TMCO5A: variants seen among roughly 807,000 people sequenced by gnomAD.
TMCO5A encodes the protein transmembrane and coiled-coil domain-containing protein 5A.
In TMCO5A, 34 loss-of-function variants were observed where a neutral mutation model predicts 42.3. That is an observed-to-expected ratio of 0.80 (90% CI 0.61 to 1.07). The LOEUF is 1.07. Ranked by LOEUF, TMCO5A falls within the 50% of genes least tolerant of loss-of-function variation. The pLI is 0.00. For synonymous variants in TMCO5A, 131 were observed against 115.6 expected (o/e 1.13, Z -0.86); for missense variants, 357 against 327.9 (o/e 1.09, Z -0.69).
chr15:38,039,593 G>A, the TMCO5A span, among the ~76,000 whole-genome samples: 4 of 152,142 alleles, frequency 2.6e-5, no homozygotes, highest in African/African-American at 9.7e-5. Flanking sequence ...TCTCATTCTA[G>A]AGTATACCCC....
At chr15:37,957,925 G>T (rs982528519) in intron 11 of TMCO5A, among the ~76,000 whole-genome samples, 9 of 152,262 alleles carry the variant, frequency 5.9e-5, no homozygotes, top group African/African-American at 1.7e-4. Flanking sequence ...AGAGGCCTCA[G>T]AAATAATGCC....
At chr15:38,007,163 T>C in the TMCO5A span, among the ~76,000 whole-genome samples, 3 of 152,228 alleles carry the variant, frequency 2.0e-5, no homozygotes, top group African/African-American at 7.2e-5. Context: ...CCATGAACCA[T>C]AGTTTACTGA....
downstream of TMCO5A, among the ~76,000 whole-genome samples, chr15:37,971,126 C>A (rs149782906): frequency 2.3e-4 from 35 of 152,192 alleles, no homozygotes; most frequent in African/African-American, 8.2e-4. Flanking sequence ...ATGAGGACCC[C>A]GCCCCTGTAG....
chr15:38,010,383 CAAAAAAAAAA>C, the TMCO5A span, among the ~76,000 whole-genome samples: 11 of 40,326 alleles, frequency 2.7e-4, no homozygotes, highest in Non-Finnish European at 3.5e-4. Context: ...ACTCCGTCTC[CAAAAAAAAAA>C]AAAAAAAAAA....
the TMCO5A span, chr15:38,020,251 AT>A: frequency 1.3e-5 from 2 of 152,108 alleles, no homozygotes; most frequent in African/African-American, 4.8e-5. Flanking sequence ...TAAATAATAA[AT>A]TGTTCTCGTC....
At chr15:37,974,910 G>A in the TMCO5A span, among the ~76,000 whole-genome samples, 2 of 152,224 alleles carry the variant, frequency 1.3e-5, no homozygotes, top group South Asian at 4.1e-4. Context: ...CACTGCTATA[G>A]CTGTGTCCTA....
At chr15:38,010,383 C>CAAAA in the TMCO5A span, among the ~76,000 whole-genome samples, 7,478 of 40,144 alleles carry the variant, frequency 0.19, 1,105 homozygotes, top group Admixed American at 0.21. Context: ...ACTCCGTCTC[C>CAAAA]AAAAAAAAAA....
At chr15:37,969,847 G>T (rs1256157906), downstream of TMCO5A, among the ~76,000 whole-genome samples, 1 of 152,156 alleles carries the variant, frequency 6.6e-6, no homozygotes, top group Non-Finnish European at 1.5e-5. Flanking sequence ...TCATGTTGCT[G>T]CAAAGGACAT....
chr15:37,985,143 C>G, the TMCO5A span, among the ~76,000 whole-genome samples: 1 of 151,752 alleles, frequency 6.6e-6, no homozygotes, highest in East Asian at 1.9e-4. Context: ...CTTCTGACAT[C>G]TAGATTATAG....
At chr15:37,962,719 C>A (rs1890460277) in intron 11 of TMCO5A, among the ~76,000 whole-genome samples, 1 of 152,054 alleles carries the variant, frequency 6.6e-6, no homozygotes, top group Non-Finnish European at 1.5e-5. Context: ...TATCTCACTG[C>A]TTGTTATTGG....
At chr15:37,964,103 T>C (rs1023160554) in intron 11 of TMCO5A, among the ~76,000 whole-genome samples, 2 of 152,192 alleles carry the variant, frequency 1.3e-5, no homozygotes, top group African/African-American at 4.8e-5. Context: ...GAGTTGGTTT[T>C]CTGGTTCCTT....
chr15:38,032,553 G>A, the TMCO5A span, among the ~76,000 whole-genome samples: 1 of 152,118 alleles, frequency 6.6e-6, no homozygotes, highest in Non-Finnish European at 1.5e-5. Flanking sequence ...ACATGCAGTT[G>A]GTCATTTATA....
chr15:37,975,028 AT>A, the TMCO5A span, among the ~76,000 whole-genome samples: 1 of 152,058 alleles, frequency 6.6e-6, no homozygotes, highest in African/African-American at 2.4e-5. Context: ...AGGTTGTTTA[AT>A]TTCCATGTAA....
At chr15:37,960,891 T>C (rs1214843822) in intron 11 of TMCO5A, among the ~76,000 whole-genome samples, 1 of 152,122 alleles carries the variant, frequency 6.6e-6, no homozygotes, top group Non-Finnish European at 1.5e-5. Context: ...TGGTTTTTCT[T>C]GCTGACTTGT....
the TMCO5A span, among the ~76,000 whole-genome samples, chr15:38,001,246 T>C: frequency 6.6e-6 from 1 of 152,104 alleles, no homozygotes; most frequent in South Asian, 2.1e-4. Flanking sequence ...CCTTTATCAA[T>C]ATATAGTGAC....
intron 4 of TMCO5A, 107 bp from the exon 5 acceptor site, chr15:37,937,239 T>C: frequency 7.4e-7 from 1 of 1,357,380 alleles, no homozygotes. Flanking sequence ...GCAAATAAGG[T>C]CAAGTTACTG....
intron 10 of TMCO5A, among the ~76,000 whole-genome samples, chr15:37,946,694 T>A (rs1228177785): frequency 1.3e-5 from 2 of 152,178 alleles, no homozygotes; most frequent in Non-Finnish European, 2.9e-5. Flanking sequence ...ATGCTGTGAC[T>A]TCTGCACATT....
the TMCO5A span, among the ~76,000 whole-genome samples, chr15:38,038,022 A>T: frequency 6.6e-6 from 1 of 151,962 alleles, no homozygotes; most frequent in Non-Finnish European, 1.5e-5. Flanking sequence ...CAAAAAAAAA[A>T]AATAAAAAAA....
chr15:38,009,616 T>C, the TMCO5A span, among the ~76,000 whole-genome samples: 30 of 152,328 alleles, frequency 2.0e-4, no homozygotes, highest in African/African-American at 6.5e-4. Flanking sequence ...AAAATAGATA[T>C]GCCCTTTTCT....
Sources: allele counts gnomAD v4.1 joint callset (sites outside exome capture counted in the v4.1 genomes callset), GRCh38; gene constraint gnomAD v4.1.1; transcripts MANE v1.5; gene names NCBI Gene and HGNC (gene_info 2026-07-23, HGNC 2026-07-21).